GJC1: variants seen among roughly 807,000 people sequenced by gnomAD.
GJC1 encodes gap junction gamma-1 protein.
A neutral mutation model predicts 29.3 loss-of-function variants in GJC1; 5 were observed. The ratio of observed to expected loss-of-function variants is 0.17; its 90% CI spans 0.09 to 0.36. The LOEUF (loss-of-function observed/expected upper bound fraction) is 0.36. GJC1 is among the 10% of genes least tolerant of loss of function. GJC1 has a pLI of 1.00. For synonymous variants in GJC1, 177 were observed against 183.3 expected (o/e 0.97, Z 0.28); for missense variants, 310 against 496.2 (o/e 0.62, Z 3.56).
chr17:44,830,942 CCCCAGTTTTAAAATG>C, upstream of GJC1: 1 of 371,174 alleles, frequency 2.7e-6, no homozygotes, highest in Middle Eastern at 6.9e-4. This position sits in a 1 kb window ranked among gnomAD's most constrained non-coding sequence, Gnocchi z 4.3. Flanking sequence ...GCATAGGAAT[CCCCAGTTTTAAAATG>C]CCCAGTAGGA....
At chr17:44,810,670 C>T (rs1012226455) in intron 1 of GJC1, among the ~76,000 whole-genome samples, 4 of 152,150 alleles carry the variant, frequency 2.6e-5, no homozygotes, top group Admixed American at 6.6e-5. Context: ...GATCTGCAGA[C>T]GGACTCCCCT....
intron 1 of GJC1, among the ~76,000 whole-genome samples, chr17:44,824,455 C>T (rs1414098169): frequency 1.3e-5 from 2 of 152,058 alleles, no homozygotes; most frequent in Non-Finnish European, 2.9e-5. Flanking sequence ...TATGCCACCA[C>T]ATCCAGCTAA....
chr17:44,821,925 C>T (rs998884999), intron 1 of GJC1, among the ~76,000 whole-genome samples: 20 of 151,618 alleles, frequency 1.3e-4, no homozygotes, highest in African/African-American at 4.1e-4. Context: ...AGGTTGGGTG[C>T]GGTGGCTAAC....
rs2049841985 is a variant in GJC1 at position 44,801,309 on chromosome 17, A to C, written c.*3318T>G. ...TAAGAAAAAAAAGAGCAAAGGACAC[A>C]CCACATCTGCATAAATCCAAGTGTG... is the stretch of plus-strand genomic sequence containing the variant. On this transcript the variant is annotated 3_prime_UTR_variant, in exon 3 of 3. Transcript: ENST00000592524. The C allele has an allele frequency of 6.6e-6, 1 of 152,090 alleles. No individual in the cohort carries two copies. The highest frequency in any genetic ancestry group is 1.5e-5 in the Non-Finnish European group (1 of 68,026). 9.4% of individuals were successfully genotyped at this position (152,090 alleles called of 1,614,324 possible).
intron 1 of GJC1, among the ~76,000 whole-genome samples, chr17:44,821,079 A>C (rs920261791): frequency 6.6e-6 from 1 of 152,242 alleles, no homozygotes; most frequent in Non-Finnish European, 1.5e-5. Context: ...AGGAAACAAA[A>C]AGCACCATTG....
Position 44,805,605 on chromosome 17 carries a change from G to A in GJC1, c.213C>T (p.Leu71=), listed in dbSNP as rs61749924. 7,345 of 1,614,196 alleles carry A rather than the reference G, an allele frequency of 4.6e-3. 18 individuals are homozygous for A. Among genetic ancestry groups the A allele is most frequent in the Non-Finnish European group, 5.4e-3 (6,367 of 1,180,002 alleles). ...GGAACACCCAGAAGCGTACATGGGA[G>A]AGAGGTGCAAACGCATCATAACAGA... ...ENVCYDAFAP[L]SHVRFWVFQI... is the part of the protein sequence containing the mutation. The change falls in exon 3 of 3, where the codon CTC becomes CTT. Residue 71 remains leucine (L), a synonymous_variant. Coordinates refer to ENST00000592524, the MANE Select transcript of GJC1 (RefSeq NM_005497.4). The surrounding 1 kb of genome is among the most constrained non-coding windows in gnomAD (Gnocchi z 5.1).
chr17:44,796,876 C>G (rs768890721), downstream of GJC1, among the ~76,000 whole-genome samples: 1 of 152,072 alleles, frequency 6.6e-6, no homozygotes, highest in Non-Finnish European at 1.5e-5. Flanking sequence ...GGGTCTCGCT[C>G]TTGCTCTGTC....
At chr17:44,823,439 A>T (rs569766844) in intron 1 of GJC1, among the ~76,000 whole-genome samples, 1 of 151,704 alleles carries the variant, frequency 6.6e-6, no homozygotes, top group East Asian at 1.9e-4. Context: ...TTTAGTAGAG[A>T]CGGGGTTTCA....
chr17:44,827,005 C>G (rs897816573), intron 1 of GJC1, among the ~76,000 whole-genome samples: 1 of 152,088 alleles, frequency 6.6e-6, no homozygotes, highest in Non-Finnish European at 1.5e-5. Flanking sequence ...CTCAAAGGAA[C>G]GGTCTTACAA....
chr17:44,811,833 G>A (rs948039906), intron 1 of GJC1, among the ~76,000 whole-genome samples: 12 of 151,868 alleles, frequency 7.9e-5, no homozygotes, highest in African/African-American at 2.4e-4. Flanking sequence ...GTGAAACCCC[G>A]TCTCTACTAA....
chr17:44,822,862 C>T (rs929827111), intron 1 of GJC1, among the ~76,000 whole-genome samples: 1 of 151,828 alleles, frequency 6.6e-6, no homozygotes, highest in Non-Finnish European at 1.5e-5. Context: ...AAAAATGTGG[C>T]AGTATTCAAA....
intron 1 of GJC1, among the ~76,000 whole-genome samples, chr17:44,815,059 T>C (rs1253685124): frequency 1.3e-5 from 2 of 152,168 alleles, no homozygotes; most frequent in African/African-American, 4.8e-5. Flanking sequence ...ATGGCTCTCA[T>C]GAATAAAAAA....
chr17:44,808,065 A>C (rs1379434819), intron 1 of GJC1, among the ~76,000 whole-genome samples: 1 of 152,216 alleles, frequency 6.6e-6, no homozygotes, highest in Non-Finnish European at 1.5e-5. Context: ...TCCAAGATGA[A>C]TTATTGCTCA....
chr17:44,830,920 A>T (rs771010227), upstream of GJC1: 4 of 382,108 alleles, frequency 1.0e-5, no homozygotes, highest in Non-Finnish European at 1.9e-5. The surrounding 1 kb of genome is among the most constrained non-coding windows in gnomAD (Gnocchi z 4.3). Context: ...AGGACTTGGG[A>T]AAAATTTTCA....
chr17:44,795,438 T>C (rs2145271972), downstream of GJC1, among the ~76,000 whole-genome samples: 1 of 152,340 alleles, frequency 6.6e-6, no homozygotes, highest in African/African-American at 2.4e-5. Context: ...TTCACCATCT[T>C]GGCCAGGCTG....
intron 1 of GJC1, among the ~76,000 whole-genome samples, chr17:44,810,108 C>T (rs1394113911): frequency 2.7e-5 from 4 of 148,456 alleles, no homozygotes; most frequent in Non-Finnish European, 1.5e-5. Flanking sequence ...GTGATCCACC[C>T]GCCTCGGCCT....
chr17:44,802,068 T>C lies in GJC1; in HGVS notation c.*2559A>G, dbSNP rs1185453034. 2 of 152,238 alleles carry C rather than the reference T, an allele frequency of 1.3e-5. No homozygotes were observed. Among genetic ancestry groups the C allele is most frequent in the African/African-American group, 4.8e-5 (2 of 41,454 alleles). 9.4% of individuals were successfully genotyped at this position (152,238 alleles called of 1,614,324 possible). On this transcript the variant is annotated 3_prime_UTR_variant, in exon 3 of 3. Coordinates refer to ENST00000592524, the MANE Select transcript of GJC1 (RefSeq NM_005497.4). ...AGAGAATAAAAATAGATTTTAAAAG[T>C]GTGTGCATGTGGGGAGGTGACAGAA...
chr17:44,830,707 TTG>T, upstream of GJC1: 1 of 398,714 alleles, frequency 2.5e-6, no homozygotes. This position sits in a 1 kb window ranked among gnomAD's most constrained non-coding sequence, Gnocchi z 4.3. Context: ...CCTTGGTCCA[TTG>T]TAGCACGGGA....
chr17:44,821,730 A>C (rs2050110694), intron 1 of GJC1, among the ~76,000 whole-genome samples: 14 of 141,394 alleles, frequency 9.9e-5, no homozygotes, highest in Admixed American at 1.4e-4. Flanking sequence ...AAAAAACAAC[A>C]AAAAAACACC....
Sources: gnomAD v4.1 joint callset for allele counts (sites outside exome capture counted in the v4.1 genomes callset) on GRCh38, gnomAD v4.1.1 for gene constraint, Gnocchi (gnomAD v3.1) non-coding constraint, MANE v1.5 for transcripts, NCBI Gene and HGNC (gene_info 2026-07-23, HGNC 2026-07-21) for gene names.